The following CCBE1 variants were observed in gnomAD, a reference collection of about 807,000 sequenced individuals.
The protein encoded by CCBE1 is collagen and calcium-binding EGF domain-containing protein 1.
CCBE1 carries 37 observed loss-of-function variants against 50.0 expected under a neutral mutation model. The observed-to-expected ratio is 0.74, with a 90% CI of 0.57 to 0.97. The LOEUF is 0.97. Among genes scored for constraint, CCBE1 ranks in the 50% least tolerant of loss-of-function variants. The pLI is 0.00. For synonymous variants in CCBE1, 234 were observed against 203.7 expected (o/e 1.15, Z -1.27); for missense variants, 538 against 523.8 (o/e 1.03, Z -0.26).
chr18:59,505,760 C>A (rs1913842347), intron 2 of CCBE1, among the ~76,000 whole-genome samples: 1 of 152,202 alleles, frequency 6.6e-6, no homozygotes, highest in African/African-American at 2.4e-5. Flanking sequence ...ATTTTCCTGG[C>A]AGCTAAGCCC....
intron 2 of CCBE1, among the ~76,000 whole-genome samples, chr18:59,662,528 T>G (rs1207950048): frequency 1.3e-5 from 2 of 152,198 alleles, no homozygotes; most frequent in Non-Finnish European, 2.9e-5. Context: ...CCTTCCTCAC[T>G]GCAATAATAG....
chr18:59,574,912 G>T (rs147814679), intron 2 of CCBE1, among the ~76,000 whole-genome samples: 1,893 of 152,296 alleles, frequency 0.012, 15 homozygotes, highest in Non-Finnish European at 0.019. Flanking sequence ...GAAAAGTAGG[G>T]TTGTTGCAGA....
chr18:59,674,841 A>T (rs2054478377), intron 2 of CCBE1, among the ~76,000 whole-genome samples: 1 of 152,224 alleles, frequency 6.6e-6, no homozygotes, highest in Non-Finnish European at 1.5e-5. Flanking sequence ...TAGGGTCTAT[A>T]AAATTTCAAA....
At chr18:59,650,534 A>C (rs1161811017) in intron 2 of CCBE1, among the ~76,000 whole-genome samples, 2 of 151,782 alleles carry the variant, frequency 1.3e-5, no homozygotes, top group Non-Finnish European at 2.9e-5. Context: ...GTTTCAGAGA[A>C]GACCTCAGCA....
At chr18:59,682,408 T>C (rs2054601861) in intron 2 of CCBE1, among the ~76,000 whole-genome samples, 2 of 152,196 alleles carry the variant, frequency 1.3e-5, no homozygotes, top group African/African-American at 4.8e-5. Flanking sequence ...ACGTGCTATC[T>C]GGTTATATTA....
intron 2 of CCBE1, among the ~76,000 whole-genome samples, chr18:59,526,233 C>G (rs1914813976): frequency 1.3e-5 from 2 of 150,054 alleles, no homozygotes; most frequent in African/African-American, 4.9e-5. Context: ...TATTTTTTGT[C>G]TTCTGCTAGC....
rs769371219 is a variant in CCBE1 at position 59,505,202 on chromosome 18, T to C, written c.213-24964A>G. ...GAAAAGTATAGAACTTTGGGCCACA[T>C]TCAAACCATTTATAGTTGAAAACAG... On this transcript the variant is annotated intron_variant, in intron 2 of 10. Transcript: ENST00000439986. Among the ~76,000 whole-genome samples, 118 of 152,200 alleles carry C rather than the reference T, an allele frequency of 7.8e-4. 2 individuals are homozygous for C. Among genetic ancestry groups the C allele is most frequent in the Non-Finnish European group, 2.8e-4 (19 of 68,036 alleles).
At chr18:59,563,762 T>C (rs2052777249) in intron 2 of CCBE1, 1 of 152,208 alleles carries the variant, frequency 6.6e-6, no homozygotes, top group Non-Finnish European at 1.5e-5. Context: ...CAGTAAAACA[T>C]GTGCAACATT....
chr18:59,438,214 TAC>T, intron 9 of CCBE1, 68 bp from the exon 10 acceptor site: 2 of 1,369,778 alleles, frequency 1.5e-6, no homozygotes, highest in Non-Finnish European at 2.1e-6. Context: ...TCTCTATTTA[TAC>T]ACCCACCATA....
chr18:59,599,777 T>C (rs939288777), intron 2 of CCBE1, among the ~76,000 whole-genome samples: 2 of 152,328 alleles, frequency 1.3e-5, no homozygotes, highest in East Asian at 1.9e-4. Flanking sequence ...TGGGGGTCTA[T>C]GGATAGACTA....
At chr18:59,509,131 C>T (rs544734470) in intron 2 of CCBE1, among the ~76,000 whole-genome samples, 3 of 152,292 alleles carry the variant, frequency 2.0e-5, no homozygotes, top group Non-Finnish European at 2.9e-5. Flanking sequence ...GGAATCAGTG[C>T]TTCTGTGGTC....
intron 2 of CCBE1, among the ~76,000 whole-genome samples, chr18:59,551,102 T>C (rs1055910024): frequency 1.3e-5 from 2 of 149,314 alleles, no homozygotes; most frequent in Non-Finnish European, 3.0e-5. Flanking sequence ...TTCTAAACAA[T>C]GCATCATTAG....
intron 2 of CCBE1, among the ~76,000 whole-genome samples, chr18:59,508,918 C>T (rs1445606691): frequency 6.6e-6 from 1 of 152,024 alleles, no homozygotes; most frequent in Non-Finnish European, 1.5e-5. Flanking sequence ...GGTCATGCAA[C>T]TTATATTCAA....
At chr18:59,599,626 A>G (rs924637854) in intron 2 of CCBE1, among the ~76,000 whole-genome samples, 1 of 152,170 alleles carries the variant, frequency 6.6e-6, no homozygotes, top group Non-Finnish European at 1.5e-5. Context: ...ACAATTTGCT[A>G]TCAGATCTGG....
At chr18:59,681,693 T>G (rs1029610438) in intron 2 of CCBE1, among the ~76,000 whole-genome samples, 5 of 152,242 alleles carry the variant, frequency 3.3e-5, no homozygotes, top group Non-Finnish European at 7.3e-5. Context: ...GCAGCCCACT[T>G]TAAAGCATAG....
At chr18:59,544,342 C>T (rs2564482) in intron 2 of CCBE1, among the ~76,000 whole-genome samples, 47,481 of 151,942 alleles carry the variant, frequency 0.31, 7,702 homozygotes, top group Non-Finnish European at 0.35. Flanking sequence ...AAATCCATTG[C>T]TGTAGGCTTT....
chr18:59,510,878 G>A (rs1034735767), intron 2 of CCBE1, among the ~76,000 whole-genome samples: 2 of 152,192 alleles, frequency 1.3e-5, no homozygotes, highest in Non-Finnish European at 2.9e-5. Flanking sequence ...TATGGATTCT[G>A]ATTCTCCTGA....
At chr18:59,520,176 G>A (rs1914538846) in intron 2 of CCBE1, among the ~76,000 whole-genome samples, 1 of 152,178 alleles carries the variant, frequency 6.6e-6, no homozygotes, top group Non-Finnish European at 1.5e-5. Flanking sequence ...GGTTCCGTAT[G>A]AAATTTAAAG....
intron 2 of CCBE1, among the ~76,000 whole-genome samples, chr18:59,485,216 G>A (rs1912758487): frequency 6.6e-6 from 1 of 152,180 alleles, no homozygotes; most frequent in Admixed American, 6.5e-5. Context: ...AAGAAAGTCT[G>A]TGGAGTTTCC....
Sources: gnomAD v4.1 joint callset for allele counts (sites outside exome capture counted in the v4.1 genomes callset) on GRCh38, gnomAD v4.1.1 for gene constraint, MANE v1.5 for transcripts, NCBI Gene and HGNC (gene_info 2026-07-23, HGNC 2026-07-21) for gene names.